SLC12A6: variants seen among roughly 807,000 people sequenced by gnomAD.
SLC12A6 encodes K-Cl cotransporter 3.
Under a neutral mutation model 135.3 loss-of-function variants are expected in SLC12A6, and 66 were observed. The observed-to-expected ratio is 0.49, with a 90% confidence interval of 0.40 to 0.60. SLC12A6 has a LOEUF of 0.60. Among genes scored for constraint, SLC12A6 ranks in the 20% least tolerant of loss-of-function variants. The probability of loss-of-function intolerance (pLI) is 0.00; values close to 1 mark genes in which losing one functional copy is unlikely to be tolerated. For missense variants in SLC12A6, 1,058 were observed against 1,452.3 expected, an observed-to-expected ratio of 0.73 and a Z score of 4.41; for synonymous variants, 513 against 508.8, an observed-to-expected ratio of 1.01 and a Z score of -0.11.
chr15:34,244,986 C>T (rs990304209), intron 15 of SLC12A6, among the ~76,000 whole-genome samples: 4 of 152,028 alleles, frequency 2.6e-5, no homozygotes, highest in African/African-American at 7.3e-5. Flanking sequence ...TAGTAAGCAT[C>T]AATAAGTCAT....
chr15:34,263,809 G>T (rs1237164803), intron 3 of SLC12A6, among the ~76,000 whole-genome samples: 1 of 152,098 alleles, frequency 6.6e-6, no homozygotes, highest in Non-Finnish European at 1.5e-5. Context: ...AAATTACTGG[G>T]TCACATCAAA....
chr15:34,302,847 G>A (rs986295378), intron 2 of SLC12A6, among the ~76,000 whole-genome samples: 1 of 151,742 alleles, frequency 6.6e-6, no homozygotes. Context: ...CTACTTGGGA[G>A]GCTGAGGTGA....
chr15:34,321,067 G>A lies in SLC12A6; in HGVS notation c.271+15343C>T, dbSNP rs149345030. 3.6e-3 allele frequency among the ~76,000 whole-genome samples: 544 copies of A among 152,162 alleles called. 9 individuals carry two copies. The highest frequency in any genetic ancestry group is 0.03 in the Admixed American group (463 of 15,268). On this transcript the variant is annotated intron_variant, in intron 2 of 25. Transcript: ENST00000354181. ...CATCACGATCTCATTTAATCAACAC[G>A]AAAACAGAAACATTAGACTAAGAAA...
intron 2 of SLC12A6, among the ~76,000 whole-genome samples, chr15:34,313,238 G>A (rs1888386637): frequency 6.6e-6 from 1 of 152,188 alleles, no homozygotes; most frequent in South Asian, 2.1e-4. Flanking sequence ...TGAATGCAAA[G>A]GAACAGTTCT....
At chr15:34,260,373 C>T (rs1453639458) in intron 4 of SLC12A6, among the ~76,000 whole-genome samples, 1 of 152,214 alleles carries the variant, frequency 6.6e-6, no homozygotes. Context: ...ATTCTCCTGC[C>T]TCAGCCTCCC....
upstream of SLC12A6, chr15:34,338,039 C>A (rs906731546): frequency 6.6e-6 from 1 of 152,056 alleles, no homozygotes; most frequent in Non-Finnish European, 1.5e-5. Flanking sequence ...CCAGCCGCCG[C>A]AGCCCGCGGT....
At chr15:34,269,790 G>A (rs183992408) in intron 3 of SLC12A6, among the ~76,000 whole-genome samples, 1 of 152,174 alleles carries the variant, frequency 6.6e-6, no homozygotes, top group East Asian at 1.9e-4. Flanking sequence ...GTACTTCTAG[G>A]AGGGTAGGGA....
chr15:34,307,094 C>T (rs1183754506), intron 2 of SLC12A6, among the ~76,000 whole-genome samples: 1 of 152,190 alleles, frequency 6.6e-6, no homozygotes, highest in East Asian at 1.9e-4. Context: ...ATAATTATTT[C>T]ATGGGCATAT....
chr15:34,292,841 T>C (rs1895632883), intron 2 of SLC12A6, among the ~76,000 whole-genome samples: 1 of 152,164 alleles, frequency 6.6e-6, no homozygotes, highest in Admixed American at 6.5e-5. Flanking sequence ...AGGGATCTCC[T>C]GGTCTGATGG....
intron 4 of SLC12A6, among the ~76,000 whole-genome samples, chr15:34,259,817 A>T (rs1892990602): frequency 6.6e-6 from 1 of 152,200 alleles, no homozygotes; most frequent in South Asian, 2.1e-4. Context: ...CCTCTTCATT[A>T]TGTTAAGTGA....
intron 13 of SLC12A6, among the ~76,000 whole-genome samples, chr15:34,246,813 A>G (rs889303359): frequency 1.3e-5 from 2 of 152,096 alleles, no homozygotes; most frequent in African/African-American, 2.4e-5. Flanking sequence ...TGTCTGACTA[A>G]TCTTTTACAA....
Position 34,229,961 on chromosome 15 carries a change from G to A in SLC12A6, c.*3920C>T, listed in dbSNP as rs746181651. 42 of 660,834 alleles carry A rather than the reference G, an allele frequency of 6.4e-5. No individual in the cohort carries two copies. Among genetic ancestry groups the A allele is most frequent in the Non-Finnish European group, 8.5e-5 (32 of 374,968 alleles). 40.9% of individuals were successfully genotyped at this position (660,834 alleles called of 1,614,324 possible). A position where few individuals can be genotyped will look rare whatever the true frequency, so the allele number is the denominator to read the frequency against. On this transcript the variant is annotated 3_prime_UTR_variant, in exon 26 of 26. Transcript: ENST00000354181. ...CCTAGAAGGACAATGTGCATATTAC[G>A]ACAAACACAAAGAAACTATACCATA... is the stretch of plus-strand genomic sequence containing the variant.
rs546069701 is a variant in SLC12A6 at position 34,263,955 on chromosome 15, C to T, written c.317-2935G>A. 4.8e-4 allele frequency among the ~76,000 whole-genome samples: 72 copies of T among 150,902 alleles called. 1 individual carries two copies. Among genetic ancestry groups the T allele is most frequent in the African/African-American group, 1.6e-3 (65 of 41,024 alleles). ...TGATATTCTGAAAAAGTCACCTTTG[C>T]GGGGTTAAGGAAACAACACATGACT... On this transcript the variant is annotated intron_variant, in intron 3 of 25. Coordinates refer to ENST00000354181, the MANE Select transcript of SLC12A6 (RefSeq NM_001365088.1).
chr15:34,280,681 A>G (rs1894618435), intron 2 of SLC12A6, among the ~76,000 whole-genome samples: 1 of 152,206 alleles, frequency 6.6e-6, no homozygotes, highest in Admixed American at 6.5e-5. Context: ...GCATTTATAC[A>G]AAGCAAAGGA....
intron 11 of SLC12A6, 37 bp from the exon 12 acceptor site, chr15:34,250,766 T>C (rs1595431316): frequency 1.4e-6 from 2 of 1,405,520 alleles, no homozygotes; most frequent in East Asian, 2.3e-5. Context: ...AGTTAACTTC[T>C]TGGACACTTT....
At chr15:34,306,206 G>A (rs1595540461) in intron 2 of SLC12A6, among the ~76,000 whole-genome samples, 1 of 152,172 alleles carries the variant, frequency 6.6e-6, no homozygotes, top group Non-Finnish European at 1.5e-5. Flanking sequence ...GACCACAAGC[G>A]GTAGCAGTCT....
chr15:34,269,515 G>A (rs376521572), intron 3 of SLC12A6, among the ~76,000 whole-genome samples: 1 of 152,154 alleles, frequency 6.6e-6, no homozygotes, highest in African/African-American at 2.4e-5. Flanking sequence ...GAGAGCAGTA[G>A]GTGTACCTAA....
chr15:34,261,166 G>C (rs1039375011), intron 3 of SLC12A6, 146 bp from the exon 4 acceptor site: 4 of 642,340 alleles, frequency 6.2e-6, no homozygotes. Flanking sequence ...AGCACTGCTT[G>C]GAGAATATGG....
At chr15:34,257,863 T>G (rs1892860223) in intron 5 of SLC12A6, 75 bp from the exon 6 acceptor site, 1 of 1,008,894 alleles carries the variant, frequency 9.9e-7, no homozygotes, top group African/African-American at 1.6e-5. Flanking sequence ...TGTAATAACT[T>G]GCTCCCTAAC....
Sources: allele counts gnomAD v4.1 joint callset (sites outside exome capture counted in the v4.1 genomes callset), GRCh38; gene constraint gnomAD v4.1.1; transcripts MANE v1.5; gene names NCBI Gene and HGNC (gene_info 2026-07-23, HGNC 2026-07-21).